VAC14: variants seen among roughly 807,000 people sequenced by gnomAD.
The protein encoded by VAC14 is VAC14 component of PIKFYVE complex, also known as protein VAC14 homolog.
In VAC14, 47 loss-of-function variants were observed where a neutral mutation model predicts 85.3. That is an observed-to-expected ratio of 0.55 (90% CI 0.44 to 0.70). The LOEUF is 0.70. Among genes scored for constraint, VAC14 ranks in the 30% least tolerant of loss-of-function variants. The pLI is 0.00. For missense variants in VAC14, 861 were observed against 1,004.3 expected (o/e 0.86, Z 1.93); for synonymous variants, 447 against 430.5 (o/e 1.04, Z -0.47).
chr16:70,751,897 C>G (rs184245962), intron 12 of VAC14, among the ~76,000 whole-genome samples: 33 of 152,348 alleles, frequency 2.2e-4, no homozygotes, highest in African/African-American at 5.3e-4. Context: ...GAGAAACGCC[C>G]TGGTCTGCAC....
intron 14 of VAC14, among the ~76,000 whole-genome samples, chr16:70,726,107 TC>T (rs1407249576): frequency 2.0e-5 from 3 of 152,262 alleles, no homozygotes; most frequent in Non-Finnish European, 2.9e-5. Context: ...ACGCTGGAGT[TC>T]ATATCACAGT....
intron 9 of VAC14, among the ~76,000 whole-genome samples, chr16:70,779,640 G>C (rs2033708793): frequency 6.6e-6 from 1 of 151,928 alleles, no homozygotes; most frequent in South Asian, 2.1e-4. Flanking sequence ...GTAATAAATG[G>C]AATTTAACTA....
rs545941468 is a variant in VAC14 at position 70,691,470 on chromosome 16, C to T, written c.2186+1351G>A. ...CCCGGTGTGGCTTCTAGGCCTCTCT[C>T]GGAGTCTCTCGGGAGCTGACAGCAC... On this transcript the variant is annotated intron_variant, in intron 18 of 18. Coordinates refer to ENST00000261776, the MANE Select transcript of VAC14 (RefSeq NM_018052.5). 1.4e-4 allele frequency: 138 copies of T among 985,092 alleles called. No individual in the cohort carries two copies. The Admixed American group carries it at 1.8e-3, about 13-fold the overall frequency. The allele number at this position is 985,092 out of a possible 1,614,324, so 61.0% of individuals were successfully genotyped here.
intron 12 of VAC14, among the ~76,000 whole-genome samples, chr16:70,748,684 C>T (rs919628773): frequency 5.3e-5 from 8 of 152,182 alleles, no homozygotes; most frequent in Middle Eastern, 3.4e-3. Context: ...CGGTGGCTCA[C>T]GCCTGTAATC....
intron 14 of VAC14, among the ~76,000 whole-genome samples, chr16:70,707,284 A>G (rs1298868667): frequency 6.6e-6 from 1 of 152,250 alleles, no homozygotes; most frequent in Admixed American, 6.5e-5. Flanking sequence ...ATGCCTTAAA[A>G]ATTCATCGTT....
In VAC14 at chr16:70,698,605, C is replaced by T. The variant is rs202204180; in HGVS notation, c.1836+32G>A. 8.3e-5 allele frequency: 134 copies of T among 1,611,138 alleles called. 1 individual carries two copies. The highest frequency in any genetic ancestry group is 6.7e-4 in the Middle Eastern group (4 of 5,996). ...GGTGTGCCCCCTGGCATGCAGGAGA[C>T]GCCTGAGGATGGAGTCCCGGACGCA... On this transcript the variant is annotated intron_variant, in intron 15 of 18. Coordinates refer to ENST00000261776, the MANE Select transcript of VAC14 (RefSeq NM_018052.5).
intron 14 of VAC14, among the ~76,000 whole-genome samples, chr16:70,704,552 G>T (rs547607766): frequency 1.3e-5 from 2 of 152,356 alleles, no homozygotes; most frequent in East Asian, 1.9e-4. Flanking sequence ...TGCTGTCTGA[G>T]GGTGCAGCTG....
intron 1 of VAC14, among the ~76,000 whole-genome samples, chr16:70,795,119 T>C (rs1014519863): frequency 6.6e-6 from 1 of 152,104 alleles, no homozygotes; most frequent in African/African-American, 2.4e-5. Context: ...TTTGTGTGAG[T>C]AACTCTATGT....
chr16:70,725,896 G>A (rs2054413773), intron 14 of VAC14, among the ~76,000 whole-genome samples: 1 of 152,220 alleles, frequency 6.6e-6, no homozygotes, highest in African/African-American at 2.4e-5. Context: ...ACCGCATACA[G>A]TGGCTCATTA....
At chr16:70,691,936 A>C (rs2053604688) in intron 18 of VAC14, 1 of 985,216 alleles carries the variant, frequency 1.0e-6, no homozygotes, top group Non-Finnish European at 1.2e-6. Flanking sequence ...AGGCCTGCTG[A>C]GTGGCTCTAA....
At chr16:70,796,546 A>T (rs565822048) in intron 1 of VAC14, among the ~76,000 whole-genome samples, 36 of 152,196 alleles carry the variant, frequency 2.4e-4, no homozygotes, top group Non-Finnish European at 4.0e-4. Flanking sequence ...TTTTCTTGCT[A>T]GGTTCTAGCT....
chr16:70,690,296 G>A (rs2053573962), intron 18 of VAC14: 2 of 985,390 alleles, frequency 2.0e-6, no homozygotes, highest in South Asian at 4.7e-5. Context: ...GCTGAGCACA[G>A]AGGCCAGGCC....
chr16:70,736,000 C>A (rs1318165877), intron 13 of VAC14, among the ~76,000 whole-genome samples: 1 of 152,234 alleles, frequency 6.6e-6, no homozygotes, highest in African/African-American at 2.4e-5. Context: ...TTCCCTCCCT[C>A]AGGAGATGAA....
chr16:70,751,277 A>G (rs1376782795), intron 12 of VAC14, among the ~76,000 whole-genome samples: 1 of 152,232 alleles, frequency 6.6e-6, no homozygotes, highest in Non-Finnish European at 1.5e-5. Flanking sequence ...AGGCCTGGCC[A>G]GGAAGAAGCT....
At chr16:70,791,780 G>A (rs2034351230) in intron 1 of VAC14, among the ~76,000 whole-genome samples, 1 of 152,242 alleles carries the variant, frequency 6.6e-6, no homozygotes, top group Non-Finnish European at 1.5e-5. Flanking sequence ...TTTGAGTGCA[G>A]TAGGTGGGGA....
chr16:70,783,481 TG>T lies in VAC14; in HGVS notation c.667del (p.Gln223ArgfsTer22), dbSNP rs763030042. On this transcript the variant is annotated frameshift_variant, in exon 6 of 19. Coordinates refer to ENST00000261776, the MANE Select transcript of VAC14 (RefSeq NM_018052.5). LOFTEE classifies it high-confidence loss of function. ...CTCTTTGCCATTGTCACCCAGGATC[TG>T]GAAGAGTCCATCCAGGATCTCCGGC... is the stretch of plus-strand genomic sequence containing the variant. The part of the protein sequence containing the change: ...YLPEILDGLF[Q>X]ILGDNGKEIR... The T allele has an allele frequency of 6.2e-7, 1 of 1,614,014 alleles. No individual in the cohort carries two copies.
intron 14 of VAC14, among the ~76,000 whole-genome samples, chr16:70,710,334 CTGT>C (rs2054005258): frequency 6.6e-6 from 1 of 152,258 alleles, no homozygotes; most frequent in Non-Finnish European, 1.5e-5. Flanking sequence ...CCCCTTCACC[CTGT>C]GGCATGTGAC....
At chr16:70,699,193 C>G (rs978767435) in intron 14 of VAC14, 2 of 221,854 alleles carry the variant, frequency 9.0e-6, no homozygotes, top group African/African-American at 4.4e-5. Flanking sequence ...ACGCCTGTCC[C>G]CTGCTGGGCT....
At chr16:70,772,290 T>G in intron 9 of VAC14, 118 bp from the exon 10 acceptor site, 1 of 838,622 alleles carries the variant, frequency 1.2e-6, no homozygotes, top group Non-Finnish European at 1.9e-6. Context: ...ATTCAGGCTC[T>G]TCAAAAGGAC....
Sources: gnomAD v4.1 joint callset for allele counts (sites outside exome capture counted in the v4.1 genomes callset) on GRCh38, gnomAD v4.1.1 for gene constraint, MANE v1.5 for transcripts, NCBI Gene and HGNC (gene_info 2026-07-23, HGNC 2026-07-21) for gene names.